SLC25A31: variants seen among roughly 807,000 people sequenced by gnomAD.
SLC25A31 encodes the protein ADP/ATP translocase 4.
SLC25A31 carries 40 observed loss-of-function variants against 36.2 expected under a neutral mutation model. That is an observed-to-expected ratio of 1.10 (90% CI 0.86 to 1.44). The LOEUF is 1.44. SLC25A31 is among the 40% of genes most tolerant of loss of function. The probability of loss-of-function intolerance (pLI) is 0.00; values close to 1 mark genes in which losing one functional copy is unlikely to be tolerated. For missense variants in SLC25A31, 350 were observed against 397.1 expected (o/e 0.88, Z 1.01); for synonymous variants, 143 against 149.7 (o/e 0.96, Z 0.32).
intron 2 of SLC25A31, among the ~76,000 whole-genome samples, chr4:127,758,583 A>AT (rs1158043860): frequency 3.3e-5 from 5 of 152,050 alleles, no homozygotes; most frequent in East Asian, 3.9e-4. Flanking sequence ...TTTGTCTAGG[A>AT]TTTTTTTAGT....
chr4:127,730,728 G>T lies in SLC25A31; in HGVS notation c.183G>T (p.Ala61=), dbSNP rs766523172. The change falls in exon 1 of 6, where the codon GCG becomes GCT. Residue 61 remains alanine, a synonymous_variant. Transcript: ENST00000281154. ...QASSKQISPE[A]RYKGMVDCLV... ...CGTCGAAGCAGATCAGCCCCGAGGC[G>T]CGGTACAAAGGCATGGTGGACTGCC... is the stretch of plus-strand genomic sequence containing the variant. 1 of 1,613,792 alleles carries T rather than the reference G, an allele frequency of 6.2e-7. No homozygotes were observed. Among genetic ancestry groups the T allele is most frequent in the East Asian group, 2.2e-5 (1 of 44,874 alleles).
intron 1 of SLC25A31, among the ~76,000 whole-genome samples, chr4:127,734,832 A>T (rs1384252433): frequency 6.6e-6 from 1 of 152,136 alleles, no homozygotes; most frequent in African/African-American, 2.4e-5. Flanking sequence ...CTGATATTTA[A>T]TATATAAATT....
chr4:127,738,076 A>G (rs1055338284), intron 1 of SLC25A31, among the ~76,000 whole-genome samples: 1 of 151,114 alleles, frequency 6.6e-6, no homozygotes, highest in African/African-American at 2.4e-5. Context: ...GCTGATTTCA[A>G]TTTTCTTTTT....
At chr4:127,756,479 T>C (rs753021197) in intron 2 of SLC25A31, among the ~76,000 whole-genome samples, 8 of 152,090 alleles carry the variant, frequency 5.3e-5, no homozygotes, top group Non-Finnish European at 1.2e-4. Flanking sequence ...GGGTACAAAG[T>C]TTCATTTAGA....
intron 2 of SLC25A31, among the ~76,000 whole-genome samples, chr4:127,761,272 C>G (rs1009687069): frequency 6.6e-6 from 1 of 151,818 alleles, no homozygotes; most frequent in African/African-American, 2.4e-5. Context: ...CATGATTATC[C>G]ACGCCAAAAA....
At chr4:127,751,491 C>G (rs943068517) in intron 2 of SLC25A31, among the ~76,000 whole-genome samples, 9 of 152,266 alleles carry the variant, frequency 5.9e-5, no homozygotes, top group Non-Finnish European at 1.3e-4. Flanking sequence ...CTAGGCAATA[C>G]CATTCTGGAC....
At chr4:127,756,182 G>C (rs767014560) in intron 2 of SLC25A31, among the ~76,000 whole-genome samples, 5 of 152,200 alleles carry the variant, frequency 3.3e-5, no homozygotes, top group African/African-American at 1.2e-4. Flanking sequence ...GCTAAGGTAC[G>C]GAAGCAACCT....
chr4:127,746,669 G>C lies in SLC25A31; in HGVS notation c.360+1870G>C, dbSNP rs564048226. ...AAATTTAAGTTCCTTGTAGATGCTA[G>C]ATAGTAGCTACACCTTTGTCACTTT... On this transcript the variant is annotated intron_variant, in intron 2 of 5. Transcript: ENST00000281154. Among the ~76,000 whole-genome samples the C allele has an allele frequency of 1.4e-4, 22 of 152,158 alleles. No individual in the cohort carries two copies. In the South Asian group the frequency reaches 4.4e-3, roughly 30 times the overall value.
At chr4:127,730,852 A>C (rs1260993683) in intron 1 of SLC25A31, 75 bp downstream of exon 1, 9 of 1,409,806 alleles carry the variant, frequency 6.4e-6, no homozygotes, top group Middle Eastern at 2.4e-4. Context: ...GGTGGCTGGG[A>C]GGGGCATGAT....
At chr4:127,753,905 G>A (rs527337945) in intron 2 of SLC25A31, among the ~76,000 whole-genome samples, 2 of 152,112 alleles carry the variant, frequency 1.3e-5, no homozygotes, top group South Asian at 4.2e-4. Flanking sequence ...CAAACATGCA[G>A]AAATCCTCAA....
In SLC25A31 at chr4:127,750,752, G is replaced by C. The variant is rs1731915281; in HGVS notation, c.360+5953G>C. Among the ~76,000 whole-genome samples, 5 of 150,010 alleles carry C rather than the reference G, an allele frequency of 3.3e-5. No homozygotes were observed. The Admixed American group carries it at 3.3e-4, about 10-fold the overall frequency. On this transcript the variant is annotated intron_variant, in intron 2 of 5. Transcript: ENST00000281154. The stretch of plus-strand genomic sequence containing the variant: ...ATAACCATAAAGTTAAAAACCTCTA[G>C]TAAATACAAAAAAAAAGAGAAAGGA...
At chr4:127,749,707 TCAA>T (rs1731892490) in intron 2 of SLC25A31, among the ~76,000 whole-genome samples, 1 of 60,422 alleles carries the variant, frequency 1.7e-5, no homozygotes. Flanking sequence ...AGACTCCATC[TCAA>T]AAAAAAAAAA....
intron 1 of SLC25A31, among the ~76,000 whole-genome samples, chr4:127,734,593 G>GA (rs1731589668): frequency 6.9e-6 from 1 of 144,312 alleles, no homozygotes; most frequent in African/African-American, 2.6e-5. Flanking sequence ...GATCCGTACA[G>GA]TCTCATTTTT....
chr4:127,733,425 G>A (rs915879035), intron 1 of SLC25A31, among the ~76,000 whole-genome samples: 1 of 152,110 alleles, frequency 6.6e-6, no homozygotes, highest in Non-Finnish European at 1.5e-5. Flanking sequence ...TGCTCAAAAA[G>A]TTTCAGATTT....
At chr4:127,761,885 C>G (rs775382738) in intron 2 of SLC25A31, among the ~76,000 whole-genome samples, 1 of 152,114 alleles carries the variant, frequency 6.6e-6, no homozygotes, top group Non-Finnish European at 1.5e-5. Flanking sequence ...AGGCTCTGGC[C>G]CAGCTCATCT....
intron 1 of SLC25A31, among the ~76,000 whole-genome samples, chr4:127,731,047 T>G (rs191418246): frequency 1.3e-5 from 2 of 152,338 alleles, no homozygotes; most frequent in African/African-American, 4.8e-5. Flanking sequence ...TACACCTTGG[T>G]GCACCTGTGC....
rs1288040368 is a variant in SLC25A31, at chr4:127,730,521, G to A, written c.-25G>A. On this transcript the variant is annotated 5_prime_UTR_variant, in exon 1 of 6. Coordinates refer to ENST00000281154, the MANE Select transcript of SLC25A31 (RefSeq NM_031291.4). ...CCCGTACTCATTTTTAGCCACTGCT[G>A]CCGGTTTTTATATCCTTCTCCATCA... 8 of 1,604,228 alleles carry A rather than the reference G, an allele frequency of 5.0e-6. No homozygotes were observed. The highest frequency in any genetic ancestry group is 4.5e-5 in the East Asian group (2 of 44,600).
chr4:127,767,032 T>C, intron 3 of SLC25A31, 34 bp from the exon 4 acceptor site: 1 of 1,571,246 alleles, frequency 6.4e-7, no homozygotes. Context: ...GGATATATAA[T>C]GTTGCTAATA....
intron 1 of SLC25A31, among the ~76,000 whole-genome samples, chr4:127,733,088 T>C (rs1731560273): frequency 6.6e-6 from 1 of 152,230 alleles, no homozygotes; most frequent in African/African-American, 2.4e-5. Flanking sequence ...CTGATTTACT[T>C]ATAAACACAT....
Sources: gnomAD v4.1 joint callset for allele counts (sites outside exome capture counted in the v4.1 genomes callset) on GRCh38, gnomAD v4.1.1 for gene constraint, MANE v1.5 for transcripts, NCBI Gene and HGNC (gene_info 2026-07-23, HGNC 2026-07-21) for gene names.